The following EPB41L5 variants were observed in gnomAD, a reference collection of about 807,000 sequenced individuals.
EPB41L5 encodes erythrocyte membrane protein band 4.1 like 5.
Under a neutral mutation model 106.6 loss-of-function variants are expected in EPB41L5, and 55 were observed. The ratio of observed to expected loss-of-function variants is 0.52; its 90% CI spans 0.42 to 0.65. The LOEUF (loss-of-function observed/expected upper bound fraction) is 0.65, where lower values mean the gene tolerates loss of function less well. EPB41L5 is among the 30% of genes least tolerant of loss of function. The pLI, the probability that EPB41L5 is intolerant of heterozygous loss-of-function variation, is 0.00. For missense variants in EPB41L5, 871 were observed against 882.1 expected, an observed-to-expected ratio of 0.99 and a Z score of 0.16; for synonymous variants, 297 against 306.7, an observed-to-expected ratio of 0.97 and a Z score of 0.33.
In EPB41L5 at chr2:120,078,561, CA is replaced by C. The variant is rs1450360431; in HGVS notation, c.787del (p.Ile263LeufsTer9). ...GAGTCCTTGTTTTTGAAGGAGATACCAAAATTGGCTTATTTTTTTGGTAAGC... is the reference window on the plus strand; with the variant it reads ...GAGTCCTTGTTTTTGAAGGAGATACCAAATTGGCTTATTTTTTTGGTAAGC... ...TGVLVFEGDT[K>X]IGLFFWPKIT... On this transcript the variant is annotated frameshift_variant, in exon 10 of 25. Coordinates refer to ENST00000263713, the MANE Select transcript of EPB41L5 (RefSeq NM_020909.4). LOFTEE classifies it high-confidence loss of function. 6.2e-7 allele frequency: 1 copy of C among 1,604,318 alleles called. No individual in the cohort carries two copies. Among genetic ancestry groups the C allele is most frequent in the Non-Finnish European group, 8.5e-7 (1 of 1,175,316 alleles).
At chr2:120,122,722 G>A (rs1685279425) in intron 16 of EPB41L5, among the ~76,000 whole-genome samples, 1 of 152,174 alleles carries the variant, frequency 6.6e-6, no homozygotes. Flanking sequence ...GAAAGTCATT[G>A]TTAGCTTGAT....
chr2:120,090,661 T>A, intron 12 of EPB41L5, 145 bp downstream of exon 12: 3 of 632,818 alleles, frequency 4.7e-6, no homozygotes, highest in African/African-American at 3.7e-5. Flanking sequence ...CAAAATAAAA[T>A]AGAAAAAGTG....
At chr2:120,045,706 T>A (rs945077416) in intron 3 of EPB41L5, among the ~76,000 whole-genome samples, 1 of 152,178 alleles carries the variant, frequency 6.6e-6, no homozygotes, top group Non-Finnish European at 1.5e-5. Context: ...CTAGGATACA[T>A]GTGCACAACA....
chr2:120,150,492 A>T (rs561485863), intron 20 of EPB41L5, among the ~76,000 whole-genome samples: 391 of 142,628 alleles, frequency 2.7e-3, no homozygotes, highest in Non-Finnish European at 2.9e-3. Context: ...CAGCTAATTT[A>T]AAAAAAAAAA....
intron 18 of EPB41L5, among the ~76,000 whole-genome samples, chr2:120,135,781 T>C (rs1685898584): frequency 6.6e-6 from 1 of 152,142 alleles, no homozygotes; most frequent in Admixed American, 6.5e-5. Flanking sequence ...GAGAAATACT[T>C]TCCCAGACAA....
chr2:120,023,797 A>T (rs564477587), intron 2 of EPB41L5, among the ~76,000 whole-genome samples: 13 of 152,226 alleles, frequency 8.5e-5, no homozygotes, highest in Non-Finnish European at 1.3e-4. Context: ...CATGATATTG[A>T]TTCTTCCTAC....
intron 3 of EPB41L5, among the ~76,000 whole-genome samples, chr2:120,069,912 G>A (rs1681741847): frequency 6.6e-6 from 1 of 152,098 alleles, no homozygotes; most frequent in Non-Finnish European, 1.5e-5. Flanking sequence ...AAGAACTAGA[G>A]AAGCAAGAGC....
intron 18 of EPB41L5, among the ~76,000 whole-genome samples, chr2:120,132,659 T>C (rs1553512348): frequency 6.6e-6 from 1 of 152,250 alleles, no homozygotes; most frequent in Non-Finnish European, 1.5e-5. Context: ...TTCCATTTTC[T>C]TGACTTTTCA....
chr2:120,164,587 C>T (rs1418392625), intron 21 of EPB41L5, among the ~76,000 whole-genome samples: 2 of 152,164 alleles, frequency 1.3e-5, no homozygotes, highest in African/African-American at 4.8e-5. Context: ...TTTTGTCTTA[C>T]CAAAGGAGAA....
chr2:120,063,810 C>T (rs189991590), intron 3 of EPB41L5, among the ~76,000 whole-genome samples: 7 of 152,104 alleles, frequency 4.6e-5, no homozygotes, highest in Admixed American at 2.0e-4. Flanking sequence ...GGCGTGGTGG[C>T]GGGCGCCTGT....
intron 21 of EPB41L5, among the ~76,000 whole-genome samples, chr2:120,164,477 G>A (rs550346100): frequency 5.3e-5 from 8 of 152,058 alleles, no homozygotes; most frequent in Admixed American, 2.0e-4. Context: ...CTCTCAGAGC[G>A]CTAGGATTAC....
At chr2:120,141,958 C>G (rs557142675) in intron 18 of EPB41L5, among the ~76,000 whole-genome samples, 1 of 152,000 alleles carries the variant, frequency 6.6e-6, no homozygotes, top group South Asian at 2.1e-4. Context: ...GTTTCTCAGG[C>G]TAAGACTAAA....
At chr2:120,089,862 T>A (rs1683297408) in intron 11 of EPB41L5, among the ~76,000 whole-genome samples, 1 of 152,148 alleles carries the variant, frequency 6.6e-6, no homozygotes. Flanking sequence ...AGCCTCAGTT[T>A]CCTTATCTAT....
chr2:120,113,962 G>A lies in EPB41L5; in HGVS notation c.1337+13148G>A, dbSNP rs113909657. Among the ~76,000 whole-genome samples, 975 of 152,314 alleles carry A rather than the reference G, an allele frequency of 6.4e-3. 15 individuals carry two copies. The highest frequency in any genetic ancestry group is 0.021 in the African/African-American group (867 of 41,564). ...TGAATGATGCTATGAACATTGAGGT[G>A]TAGGTTTTGTATGAACATGTGTTCT... On this transcript the variant is annotated intron_variant, in intron 16 of 24. Coordinates refer to ENST00000263713, the MANE Select transcript of EPB41L5 (RefSeq NM_020909.4).
chr2:120,158,229 C>T (rs1253827413), intron 20 of EPB41L5, among the ~76,000 whole-genome samples: 3 of 152,188 alleles, frequency 2.0e-5, no homozygotes, highest in African/African-American at 7.2e-5. Context: ...AGGAGGGACT[C>T]CTCCATAACT....
intron 3 of EPB41L5, among the ~76,000 whole-genome samples, chr2:120,053,449 A>G (rs1044167306): frequency 6.6e-6 from 1 of 152,168 alleles, no homozygotes; most frequent in African/African-American, 2.4e-5. Flanking sequence ...TAATTCCAGA[A>G]CATTTTCATC....
intron 22 of EPB41L5, among the ~76,000 whole-genome samples, chr2:120,165,871 G>A (rs1687375105): frequency 6.7e-6 from 1 of 150,182 alleles, no homozygotes; most frequent in South Asian, 2.1e-4. Flanking sequence ...GGGAGGCTGA[G>A]GCAAGACAAT....
chr2:120,023,647 A>C (rs1678097470), intron 2 of EPB41L5, among the ~76,000 whole-genome samples: 1 of 151,974 alleles, frequency 6.6e-6, no homozygotes, highest in East Asian at 1.9e-4. Context: ...TTTGCTTAGG[A>C]TTGTCTTGGC....
intron 10 of EPB41L5, among the ~76,000 whole-genome samples, chr2:120,080,874 T>C (rs567244746): frequency 9.1e-4 from 138 of 152,380 alleles, no homozygotes; most frequent in African/African-American, 3.3e-3. Flanking sequence ...TGAGCATTTT[T>C]TCATGTGTCT....
Sources: gnomAD v4.1 joint callset for allele counts (sites outside exome capture counted in the v4.1 genomes callset) on GRCh38, gnomAD v4.1.1 for gene constraint, MANE v1.5 for transcripts, NCBI Gene and HGNC (gene_info 2026-07-23, HGNC 2026-07-21) for gene names.